The following ST8SIA5 variants were observed in gnomAD, a reference collection of about 807,000 sequenced individuals.
ST8SIA5 encodes the protein ST8 alpha-N-acetyl-neuraminide alpha-2,8-sialyltransferase 5.
ST8SIA5 carries 24 observed loss-of-function variants against 40.2 expected under a neutral mutation model. That is an observed-to-expected ratio of 0.60 (90% confidence interval 0.43 to 0.84). The LOEUF is 0.84. ST8SIA5 is among the 40% of genes least tolerant of loss of function. The pLI is 0.00. For synonymous variants in ST8SIA5, 198 were observed against 201.8 expected (o/e 0.98, Z 0.16); for missense variants, 465 against 498.5 (o/e 0.93, Z 0.64).
intron 2 of ST8SIA5, among the ~76,000 whole-genome samples, chr18:46,702,197 G>T (rs2039625079): frequency 6.6e-6 from 1 of 151,456 alleles, no homozygotes; most frequent in African/African-American, 2.4e-5. Flanking sequence ...AAATCTTGAA[G>T]GTGTGCTTTC....
At chr18:46,713,983 G>T (rs1325872397) in intron 1 of ST8SIA5, among the ~76,000 whole-genome samples, 3 of 152,222 alleles carry the variant, frequency 2.0e-5, no homozygotes, top group Non-Finnish European at 4.4e-5. Context: ...AGTGTAAAGG[G>T]ATGGCTGGAG....
At chr18:46,709,793 T>C (rs1371822439) in intron 1 of ST8SIA5, among the ~76,000 whole-genome samples, 2 of 152,228 alleles carry the variant, frequency 1.3e-5, no homozygotes, top group Non-Finnish European at 2.9e-5. Context: ...AATGGGATGA[T>C]GCGTTATTTT....
chr18:46,691,713 G>A (rs1447203439), intron 3 of ST8SIA5: 5 of 162,880 alleles, frequency 3.1e-5, no homozygotes. Flanking sequence ...GGGCTCAAAT[G>A]TCTCGTGGAG....
At chr18:46,729,673 C>T (rs935612169) in intron 1 of ST8SIA5, among the ~76,000 whole-genome samples, 2 of 152,230 alleles carry the variant, frequency 1.3e-5, no homozygotes, top group African/African-American at 4.8e-5. Flanking sequence ...TGAAGGCCCA[C>T]AGGGGCTGTC....
Position 46,725,970 on chromosome 18 carries a change from AAAAT to A in ST8SIA5, c.132-21310_132-21307del, listed in dbSNP as rs1276840397. On this transcript the variant is annotated intron_variant, in intron 1 of 6. Transcript: ENST00000315087. Reference sequence around the variant, plus strand: ...ACCCCATCTCTACTTAAAAAAAAAAAAAATATATATATATATATATATATATATA... The same window carrying A: ...ACCCCATCTCTACTTAAAAAAAAAAAATATATATATATATATATATATATA... 7.6e-4 allele frequency among the ~76,000 whole-genome samples: 24 copies of A among 31,786 alleles called. 2 individuals carry two copies. Among genetic ancestry groups the A allele is most frequent in the African/African-American group, 1.7e-3 (12 of 6,858 alleles). 20.9% of individuals were successfully genotyped at this position (31,786 alleles called of 152,430 possible).
At chr18:46,691,200 T>C (rs1408237223) in intron 3 of ST8SIA5, among the ~76,000 whole-genome samples, 2 of 152,242 alleles carry the variant, frequency 1.3e-5, no homozygotes, top group African/African-American at 4.8e-5. Context: ...TTGCTTGGTT[T>C]CTGTAGTCTC....
chr18:46,693,223 C>T (rs1021906340), intron 2 of ST8SIA5, among the ~76,000 whole-genome samples: 9 of 152,190 alleles, frequency 5.9e-5, no homozygotes, highest in Non-Finnish European at 1.3e-4. Context: ...GTGCCCACCC[C>T]CCAGGGCCTG....
chr18:46,736,615 T>C (rs1351600251), intron 1 of ST8SIA5, among the ~76,000 whole-genome samples: 4 of 152,108 alleles, frequency 2.6e-5, no homozygotes, highest in Non-Finnish European at 2.9e-5. Flanking sequence ...TTCCAAGAAA[T>C]GGCAATGGTG....
At chr18:46,740,314 CA>C (rs1340640993) in intron 1 of ST8SIA5, among the ~76,000 whole-genome samples, 2 of 151,862 alleles carry the variant, frequency 1.3e-5, no homozygotes, top group Non-Finnish European at 2.9e-5. Context: ...GCCAAGAAAG[CA>C]CAAATAATGC....
chr18:46,756,302 A>AGCTGCCGCGGCC, intron 1 of ST8SIA5, 76 bp downstream of exon 1: 1 of 1,582,748 alleles, frequency 6.3e-7, no homozygotes, highest in Admixed American at 1.7e-5. Context: ...CTGCGACCGA[A>AGCTGCCGCGGCC]GCTGCCGCGG....
chr18:46,753,936 T>A (rs1320448020), intron 1 of ST8SIA5, among the ~76,000 whole-genome samples: 2 of 152,128 alleles, frequency 1.3e-5, no homozygotes, highest in Non-Finnish European at 2.9e-5. Context: ...ACAGTCAGAT[T>A]CAGGGGCTCA....
chr18:46,739,243 G>C (rs938905891), intron 1 of ST8SIA5, among the ~76,000 whole-genome samples: 1 of 152,122 alleles, frequency 6.6e-6, no homozygotes, highest in African/African-American at 2.4e-5. Flanking sequence ...TGTGACATGC[G>C]TAAAAGACCC....
chr18:46,727,921 C>T (rs1325676514), intron 1 of ST8SIA5, among the ~76,000 whole-genome samples: 1 of 152,140 alleles, frequency 6.6e-6, no homozygotes, highest in Non-Finnish European at 1.5e-5. Flanking sequence ...ACAAACCATG[C>T]ATGGGTGTGG....
chr18:46,744,719 C>G (rs1486687853), intron 1 of ST8SIA5, among the ~76,000 whole-genome samples: 1 of 152,120 alleles, frequency 6.6e-6, no homozygotes, highest in East Asian at 1.9e-4. Flanking sequence ...GAAGACCTAA[C>G]AGACATCTAC....
chr18:46,707,815 T>C (rs1430110269), intron 1 of ST8SIA5, among the ~76,000 whole-genome samples: 1 of 152,234 alleles, frequency 6.6e-6, no homozygotes, highest in Non-Finnish European at 1.5e-5. Flanking sequence ...CCTTTTACTA[T>C]GTAAGGATAC....
At position 46,676,266 on chromosome 18, in the gene ST8SIA5, A is replaced by G. The variant is rs975538061; in HGVS notation, c.*3776T>C. The G allele has an allele frequency of 1.3e-5, 2 of 152,102 alleles. No homozygotes were observed. The highest frequency in any genetic ancestry group is 1.3e-4 in the Admixed American group (2 of 15,266). The allele number at this position is 152,102 out of a possible 1,614,324, so 9.4% of individuals were successfully genotyped here. A position where few individuals can be genotyped will look rare whatever the true frequency, so the allele number is the denominator to read the frequency against. ...GGATTTGATAGTGTTCAGCACAACC[A>G]GCTCCCACGTACGTTTGTGGGATTC... On this transcript the variant is annotated 3_prime_UTR_variant, in exon 7 of 7. Transcript: ENST00000315087.
chr18:46,728,888 G>T (rs953294465), intron 1 of ST8SIA5, among the ~76,000 whole-genome samples: 3 of 152,122 alleles, frequency 2.0e-5, no homozygotes, highest in Non-Finnish European at 2.9e-5. Flanking sequence ...TTCCTAAGGA[G>T]TATCCCAATA....
chr18:46,754,328 G>C (rs1165345214), intron 1 of ST8SIA5, among the ~76,000 whole-genome samples: 1 of 151,986 alleles, frequency 6.6e-6, no homozygotes, highest in Non-Finnish European at 1.5e-5. Flanking sequence ...CTTCCTTCAA[G>C]GCCCACTCAA....
chr18:46,695,955 A>T (rs553114316), intron 2 of ST8SIA5, among the ~76,000 whole-genome samples: 1 of 152,322 alleles, frequency 6.6e-6, no homozygotes, highest in East Asian at 1.9e-4. Flanking sequence ...GAAAACAAAT[A>T]TATAATGCCT....
Sources: allele counts gnomAD v4.1 joint callset (sites outside exome capture counted in the v4.1 genomes callset), GRCh38; gene constraint gnomAD v4.1.1; transcripts MANE v1.5; gene names NCBI Gene and HGNC (gene_info 2026-07-23, HGNC 2026-07-21).